The following VRK2 variants were observed in gnomAD, a reference collection of about 807,000 sequenced individuals.
VRK2 encodes the protein VRK serine/threonine kinase 2.
In VRK2, 60 loss-of-function variants were observed where a neutral mutation model predicts 57.6. The ratio of observed to expected loss-of-function variants is 1.04; its 90% CI spans 0.85 to 1.29. The LOEUF is 1.29. VRK2 is among the 50% of genes most tolerant of loss of function. The pLI is 0.00. For missense variants in VRK2, 705 were observed against 588.1 expected (o/e 1.20, Z -2.06); for synonymous variants, 231 against 199.2 (o/e 1.16, Z -1.35).
chr2:57,970,934 C>T (rs1672077199), intron 1 of VRK2, among the ~76,000 whole-genome samples: 2 of 151,604 alleles, frequency 1.3e-5, no homozygotes, highest in South Asian at 4.2e-4. Context: ...GTTTTTCTTG[C>T]TATTTATTTG....
chr2:58,154,614 C>A (rs377065027), intron 12 of VRK2: 7 of 605,256 alleles, frequency 1.2e-5, no homozygotes, highest in African/African-American at 9.3e-5. Flanking sequence ...TATTTCCATT[C>A]GGTTCAATGT....
intron 1 of VRK2, among the ~76,000 whole-genome samples, chr2:57,983,612 T>A (rs1055187304): frequency 1.3e-5 from 2 of 152,202 alleles, no homozygotes; most frequent in African/African-American, 4.8e-5. Flanking sequence ...TCCTTTCACA[T>A]TTTGTGTTTT....
At chr2:57,922,883 C>T (rs1440221040) in intron 1 of VRK2, among the ~76,000 whole-genome samples, 1 of 151,894 alleles carries the variant, frequency 6.6e-6, no homozygotes, top group East Asian at 1.9e-4. Flanking sequence ...CTCCTCTTCC[C>T]AGCTTCTAGT....
upstream of VRK2, among the ~76,000 whole-genome samples, chr2:58,046,356 C>G (rs2103742371): frequency 6.6e-6 from 1 of 152,302 alleles, no homozygotes; most frequent in Admixed American, 6.5e-5. Context: ...AACTTAAACG[C>G]GGTGAGTTAC....
chr2:57,910,530 C>A (rs946971511), intron 1 of VRK2, among the ~76,000 whole-genome samples: 2 of 152,142 alleles, frequency 1.3e-5, no homozygotes, highest in Non-Finnish European at 2.9e-5. Context: ...TGCCATCAAT[C>A]AGATCTGGAT....
rs1675191133 is a variant in VRK2, at chr2:58,109,181, T to G, written c.544-13920T>G. On this transcript the variant is annotated intron_variant, in intron 7 of 12. Transcript: ENST00000340157. The stretch of plus-strand genomic sequence containing the variant: ...TATTATCAATTAAATCAATTAAAAT[T>G]TATTCAAACCAACTGTGCAGAAGGC... 3.3e-5 allele frequency among the ~76,000 whole-genome samples: 5 copies of G among 152,274 alleles called. No individual in the cohort carries two copies. The South Asian group carries it at 1.0e-3, about 32-fold the overall frequency.
chr2:58,077,117 C>T (rs962183428), intron 2 of VRK2, among the ~76,000 whole-genome samples: 4 of 151,952 alleles, frequency 2.6e-5, no homozygotes, highest in African/African-American at 9.7e-5. Flanking sequence ...CTGTAACTCC[C>T]TTTGGGAAAA....
At chr2:58,018,446 A>C (rs1438109835) in intron 1 of VRK2, among the ~76,000 whole-genome samples, 1 of 152,204 alleles carries the variant, frequency 6.6e-6, no homozygotes, top group Non-Finnish European at 1.5e-5. Flanking sequence ...CCATATTTTA[A>C]AACTAAAATT....
intron 7 of VRK2, among the ~76,000 whole-genome samples, chr2:58,122,229 G>A (rs1237100939): frequency 6.6e-6 from 1 of 152,122 alleles, no homozygotes; most frequent in African/African-American, 2.4e-5. Context: ...TGTTAAAGGA[G>A]ACTCATAACA....
intron 12 of VRK2, among the ~76,000 whole-genome samples, chr2:58,151,697 T>C (rs550974616): frequency 8.1e-5 from 12 of 148,982 alleles, no homozygotes; most frequent in African/African-American, 2.5e-4. Context: ...TTTGGACTGA[T>C]TGAGAATTTT....
At chr2:58,039,213 T>A (rs1674368169) in intron 3 of VRK2, among the ~76,000 whole-genome samples, 1 of 152,116 alleles carries the variant, frequency 6.6e-6, no homozygotes, top group Non-Finnish European at 1.5e-5. Context: ...TCACATAGGA[T>A]CATATTCCAA....
intron 7 of VRK2, among the ~76,000 whole-genome samples, chr2:58,107,303 A>C (rs1674901904): frequency 6.6e-6 from 1 of 151,756 alleles, no homozygotes. Flanking sequence ...AAGACCTTTT[A>C]TTTTTTTTGT....
intron 7 of VRK2, among the ~76,000 whole-genome samples, chr2:58,105,415 AT>A (rs1272356067): frequency 6.6e-6 from 1 of 152,034 alleles, no homozygotes; most frequent in Non-Finnish European, 1.5e-5. Context: ...AAAATAAGAC[AT>A]AAAAATAGCC....
At chr2:58,067,454 A>AC in intron 2 of VRK2, among the ~76,000 whole-genome samples, 1 of 152,280 alleles carries the variant, frequency 6.6e-6, no homozygotes, top group Non-Finnish European at 1.5e-5. Flanking sequence ...TATTATATTT[A>AC]AATGTAATTA....
intron 7 of VRK2, among the ~76,000 whole-genome samples, chr2:58,104,125 G>A (rs1173442484): frequency 6.6e-6 from 1 of 151,726 alleles, no homozygotes; most frequent in Non-Finnish European, 1.5e-5. Flanking sequence ...GGGGAAGGTT[G>A]AAAGCAATCT....
At chr2:58,037,245 G>A (rs150309030) in intron 3 of VRK2, among the ~76,000 whole-genome samples, 62 of 152,008 alleles carry the variant, frequency 4.1e-4, no homozygotes, top group Admixed American at 3.9e-3. Context: ...GTCTTGATTC[G>A]TTTAAATGTA....
intron 7 of VRK2, among the ~76,000 whole-genome samples, chr2:58,109,728 T>TA (rs574243234): frequency 3.2e-4 from 48 of 152,302 alleles, no homozygotes; most frequent in East Asian, 2.9e-3. Flanking sequence ...ACATGGGAAT[T>TA]ACAATTCAGA....
At chr2:58,151,567 T>A (rs1168155206) in intron 12 of VRK2, among the ~76,000 whole-genome samples, 1 of 151,502 alleles carries the variant, frequency 6.6e-6, no homozygotes, top group Non-Finnish European at 1.5e-5. Context: ...TGTAACTATA[T>A]TTGCTCCATT....
At chr2:58,088,009 A>G (rs1671874040) in intron 5 of VRK2, among the ~76,000 whole-genome samples, 1 of 152,132 alleles carries the variant, frequency 6.6e-6, no homozygotes, top group Non-Finnish European at 1.5e-5. Flanking sequence ...AGTGTGTACA[A>G]TAATTTGTTC....
Sources: allele counts gnomAD v4.1 joint callset (sites outside exome capture counted in the v4.1 genomes callset), GRCh38; gene constraint gnomAD v4.1.1; transcripts MANE v1.5; gene names NCBI Gene and HGNC (gene_info 2026-07-23, HGNC 2026-07-21).